The following ULK4 variants were observed in gnomAD, a reference collection of about 807,000 sequenced individuals.
ULK4 encodes the protein inactive serine/threonine-protein kinase ULK4.
ULK4 carries 133 observed loss-of-function variants against 160.6 expected under a neutral mutation model. The observed-to-expected ratio is 0.83, with a 90% CI of 0.72 to 0.96. The LOEUF (loss-of-function observed/expected upper bound fraction) is 0.96. ULK4 is among the 40% of genes least tolerant of loss of function. ULK4 has a pLI of 0.00. For synonymous variants in ULK4, 534 were observed against 539.8 expected, an observed-to-expected ratio of 0.99 and a Z score of 0.15; for missense variants, 1,580 against 1,499.5, an observed-to-expected ratio of 1.05 and a Z score of -0.89.
At chr3:41,660,558 G>C (rs542226377) in intron 30 of ULK4, among the ~76,000 whole-genome samples, 4 of 152,142 alleles carry the variant, frequency 2.6e-5, no homozygotes, top group Non-Finnish European at 4.4e-5. Flanking sequence ...AAATTCAAAA[G>C]TCTAATTACT....
chr3:41,840,478 T>A (rs2125659334), intron 17 of ULK4, among the ~76,000 whole-genome samples: 1 of 152,328 alleles, frequency 6.6e-6, no homozygotes, highest in East Asian at 1.9e-4. Flanking sequence ...CAGGCTCCGA[T>A]GGTTCTCCTG....
intron 14 of ULK4, among the ~76,000 whole-genome samples, chr3:41,898,153 G>A (rs148082689): frequency 0.011 from 1,639 of 152,200 alleles, 72 homozygotes; most frequent in Admixed American, 0.075. Flanking sequence ...GGGAGGAGAA[G>A]ACCTCCCACC....
chr3:41,696,467 A>G (rs1293270855), intron 27 of ULK4, among the ~76,000 whole-genome samples: 1 of 152,010 alleles, frequency 6.6e-6, no homozygotes, highest in African/African-American at 2.4e-5. Context: ...GAAATGACTC[A>G]CACTCTTTAC....
At chr3:41,613,534 A>T (rs956911662) in intron 31 of ULK4, among the ~76,000 whole-genome samples, 1 of 152,072 alleles carries the variant, frequency 6.6e-6, no homozygotes, top group East Asian at 1.9e-4. Context: ...AAAAATGTGC[A>T]TCATAGAATC....
chr3:41,475,357 G>C (rs1261397899), intron 32 of ULK4, among the ~76,000 whole-genome samples: 1 of 152,162 alleles, frequency 6.6e-6, no homozygotes, highest in Non-Finnish European at 1.5e-5. Flanking sequence ...ATGTGGAGAT[G>C]ATGGTCAAAA....
chr3:41,729,276 T>C (rs550064847), intron 22 of ULK4, among the ~76,000 whole-genome samples: 1 of 152,248 alleles, frequency 6.6e-6, no homozygotes, highest in South Asian at 2.1e-4. Flanking sequence ...CCCCAGTAGC[T>C]CCCACGAATG....
At chr3:41,642,607 A>G (rs111823234) in intron 30 of ULK4, among the ~76,000 whole-genome samples, 11,295 of 152,220 alleles carry the variant, frequency 0.074, 1,409 homozygotes, top group African/African-American at 0.26. Context: ...CATTTGGATC[A>G]GTTCTAAGTC....
At chr3:41,580,132 A>G (rs1306035615) in intron 31 of ULK4, among the ~76,000 whole-genome samples, 1 of 152,182 alleles carries the variant, frequency 6.6e-6, no homozygotes. Flanking sequence ...CCATCCCCTC[A>G]GGCTGACTGG....
intron 19 of ULK4, among the ~76,000 whole-genome samples, chr3:41,810,191 T>C (rs997535741): frequency 3.9e-5 from 6 of 152,224 alleles, no homozygotes; most frequent in Non-Finnish European, 8.8e-5. Context: ...CCTAGTTCTG[T>C]ACTCCAGCTT....
intron 35 of ULK4, among the ~76,000 whole-genome samples, chr3:41,383,283 G>C (rs763565680): frequency 2.0e-5 from 3 of 152,134 alleles, no homozygotes; most frequent in Admixed American, 6.5e-5. Context: ...ATTTTAAGTG[G>C]AGACAGGTTT....
intron 32 of ULK4, among the ~76,000 whole-genome samples, chr3:41,539,035 G>GTTTTTTTT (rs11425607): frequency 7.1e-6 from 1 of 139,918 alleles, no homozygotes; most frequent in Non-Finnish European, 1.5e-5. Context: ...CTTTTTCTTA[G>GTTTTTTTT]TTTTTTTTTT....
intron 30 of ULK4, among the ~76,000 whole-genome samples, chr3:41,620,261 G>A (rs1282305425): frequency 6.6e-6 from 1 of 152,180 alleles, no homozygotes; most frequent in Non-Finnish European, 1.5e-5. Context: ...CTCATTTTAT[G>A]AGGCTAGCAT....
chr3:41,561,290 A>G (rs1420024627), intron 32 of ULK4, among the ~76,000 whole-genome samples: 2 of 152,182 alleles, frequency 1.3e-5, no homozygotes, highest in African/African-American at 4.8e-5. Flanking sequence ...GGATTTTTGC[A>G]TCAATGTTCA....
At chr3:41,412,553 A>ATTTTTTTCTTTTTTTTTTTTTTTTTT (rs2082429333) in intron 34 of ULK4, among the ~76,000 whole-genome samples, 2 of 100,454 alleles carry the variant, frequency 2.0e-5, no homozygotes, top group African/African-American at 8.3e-5. Context: ...ATGCAGTTGA[A>ATTTTTTTCTTTTTTTTTTTTTTTTTT]TTTTTTTTTT....
At chr3:41,559,247 G>T (rs1575412743) in intron 32 of ULK4, among the ~76,000 whole-genome samples, 2 of 126,518 alleles carry the variant, frequency 1.6e-5, no homozygotes, top group African/African-American at 5.1e-5. Flanking sequence ...TGGTGTATAT[G>T]TGCCACATTT....
chr3:41,448,398 T>G (rs1327497278), intron 34 of ULK4, among the ~76,000 whole-genome samples: 1 of 152,088 alleles, frequency 6.6e-6, no homozygotes, highest in Non-Finnish European at 1.5e-5. Context: ...TTTAAAGAAC[T>G]GAAAAGAGTT....
chr3:41,954,507 G>A lies in ULK4; in HGVS notation c.138+115C>T, dbSNP rs184804400. On this transcript the variant is annotated intron_variant, in intron 2 of 36. Coordinates refer to ENST00000301831, the MANE Select transcript of ULK4 (RefSeq NM_017886.4). ...GAACAGATGAAGGTCATCCATTCCA[G>A]ACTGAAAATGTGGCATTTGATATAT... is the stretch of plus-strand genomic sequence containing the variant. The A allele has an allele frequency of 2.3e-4, 275 of 1,220,350 alleles. 1 individual carries two copies. The African/African-American group carries it at 3.8e-3, about 17-fold the overall frequency. The allele number at this position is 1,220,350 out of a possible 1,614,324, so 75.6% of individuals were successfully genotyped here. A position where few individuals can be genotyped will look rare whatever the true frequency, so the allele number is the denominator to read the frequency against.
intron 18 of ULK4, among the ~76,000 whole-genome samples, chr3:41,823,179 T>G (rs1575769919): frequency 6.6e-6 from 1 of 152,268 alleles, no homozygotes; most frequent in South Asian, 2.1e-4. Flanking sequence ...CTGAAGGGAT[T>G]TTTGAGCACA....
chr3:41,517,960 T>C (rs1179827179), intron 32 of ULK4, among the ~76,000 whole-genome samples: 1 of 152,220 alleles, frequency 6.6e-6, no homozygotes, highest in Non-Finnish European at 1.5e-5. Context: ...AAATATTCCA[T>C]GGCTCAAAAA....
Sources: gnomAD v4.1 joint callset for allele counts (sites outside exome capture counted in the v4.1 genomes callset) on GRCh38, gnomAD v4.1.1 for gene constraint, MANE v1.5 for transcripts, NCBI Gene and HGNC (gene_info 2026-07-23, HGNC 2026-07-21) for gene names.